The following SLC44A5 variants were observed in gnomAD, a reference collection of about 807,000 sequenced individuals.
The protein encoded by SLC44A5 is choline transporter-like protein 5.
A neutral mutation model predicts 101.8 loss-of-function variants in SLC44A5; 57 were observed. The observed-to-expected ratio is 0.56, with a 90% confidence interval of 0.45 to 0.70. The LOEUF (loss-of-function observed/expected upper bound fraction) is 0.70. Ranked by LOEUF, SLC44A5 falls within the 30% of genes least tolerant of loss-of-function variation. SLC44A5 has a pLI of 0.00. For missense variants in SLC44A5, 737 were observed against 853.1 expected (o/e 0.86, Z 1.70); for synonymous variants, 281 against 290.9 (o/e 0.97, Z 0.35).
chr1:75,711,790 A>G, the SLC44A5 span, among the ~76,000 whole-genome samples: 1 of 152,200 alleles, frequency 6.6e-6, no homozygotes, highest in South Asian at 2.1e-4. Context: ...TTGTGAAATC[A>G]TGCTGGCAAG....
chr1:75,573,695 A>G (rs1048295721), intron 1 of SLC44A5, among the ~76,000 whole-genome samples: 7 of 152,150 alleles, frequency 4.6e-5, no homozygotes, highest in Admixed American at 1.3e-4. Context: ...GCCACAAACT[A>G]TGCCGATTTA....
chr1:75,363,288 A>G (rs1659627904), intron 3 of SLC44A5, among the ~76,000 whole-genome samples: 1 of 151,932 alleles, frequency 6.6e-6, no homozygotes, highest in Non-Finnish European at 1.5e-5. Context: ...AATTTAATCT[A>G]TTTACATTCA....
chr1:75,366,321 T>A (rs1659855012), intron 3 of SLC44A5, among the ~76,000 whole-genome samples: 1 of 152,186 alleles, frequency 6.6e-6, no homozygotes, highest in Non-Finnish European at 1.5e-5. Flanking sequence ...GGAGCCTTTT[T>A]TTCAGCCTTT....
intron 8 of SLC44A5, 88 bp downstream of exon 8, chr1:75,242,798 G>T: frequency 7.1e-7 from 1 of 1,409,510 alleles, no homozygotes; most frequent in South Asian, 1.5e-5. Context: ...AGATTTGGGA[G>T]CTTGTTCAGT....
the SLC44A5 span, among the ~76,000 whole-genome samples, chr1:75,680,349 C>A: frequency 2.0e-5 from 3 of 151,938 alleles, no homozygotes; most frequent in Non-Finnish European, 2.9e-5. Context: ...CAAAATTGAC[C>A]ACATACTTGG....
the SLC44A5 span, among the ~76,000 whole-genome samples, chr1:75,629,212 T>C: frequency 3.9e-5 from 6 of 151,904 alleles, no homozygotes; most frequent in East Asian, 3.9e-4. Flanking sequence ...TTTATTTTTT[T>C]CCCAGAAGAT....
chr1:75,683,717 T>C, the SLC44A5 span, among the ~76,000 whole-genome samples: 88 of 151,884 alleles, frequency 5.8e-4, no homozygotes, highest in African/African-American at 2.1e-3. Context: ...GTAACTAACC[T>C]GCACAATGTG....
At chr1:75,629,441 A>G in the SLC44A5 span, among the ~76,000 whole-genome samples, 3 of 152,314 alleles carry the variant, frequency 2.0e-5, no homozygotes, top group Admixed American at 6.5e-5. Context: ...TGTAATGAAT[A>G]TAAACTCCAA....
At chr1:75,279,569 T>C (rs902949403) in intron 5 of SLC44A5, among the ~76,000 whole-genome samples, 15 of 152,200 alleles carry the variant, frequency 9.9e-5, no homozygotes, top group African/African-American at 3.4e-4. Context: ...AGTTTGAGTG[T>C]AGTTTACAAT....
chr1:75,271,278 T>C (rs80316375), intron 6 of SLC44A5, among the ~76,000 whole-genome samples: 8,623 of 152,182 alleles, frequency 0.057, 283 homozygotes, highest in Middle Eastern at 0.12. Context: ...TCTTTTCTTA[T>C]TTACATTTAA....
intron 3 of SLC44A5, among the ~76,000 whole-genome samples, chr1:75,369,677 T>C (rs1486281630): frequency 2.0e-5 from 3 of 152,140 alleles, no homozygotes; most frequent in African/African-American, 4.8e-5. Context: ...TTATTTAAAA[T>C]AAAAAATCAT....
chr1:75,441,488 A>T lies in SLC44A5; in HGVS notation c.14-44867T>A, dbSNP rs188219081. Among the ~76,000 whole-genome samples, 517 of 152,172 alleles carry T rather than the reference A, an allele frequency of 3.4e-3. 6 individuals are homozygous for T. Among genetic ancestry groups the T allele is most frequent in the African/African-American group, 0.012 (501 of 41,546 alleles). ...AAAATAAAAAGCAAGATTTAAAAAA[A>T]GTCAAGGAAAAAAAAAACAAATAGA... On this transcript the variant is annotated intron_variant, in intron 2 of 23. Coordinates refer to ENST00000370859, the MANE Select transcript of SLC44A5 (RefSeq NM_001130058.2).
At chr1:75,288,942 T>G (rs538437537) in intron 5 of SLC44A5, among the ~76,000 whole-genome samples, 1 of 152,196 alleles carries the variant, frequency 6.6e-6, no homozygotes. Context: ...GATTTCCTTA[T>G]ATTCATAGCA....
intron 19 of SLC44A5, among the ~76,000 whole-genome samples, chr1:75,215,323 T>C (rs1646938869): frequency 6.6e-6 from 1 of 152,142 alleles, no homozygotes; most frequent in African/African-American, 2.4e-5. Context: ...CAGTCAAACA[T>C]TGTCAATGTC....
At chr1:75,626,167 C>T in the SLC44A5 span, among the ~76,000 whole-genome samples, 1 of 152,030 alleles carries the variant, frequency 6.6e-6, no homozygotes, top group Non-Finnish European at 1.5e-5. Context: ...CAGAATCAAG[C>T]CTGAAATCAT....
In SLC44A5 at chr1:75,215,733, A is replaced by G. The variant is rs200514562; in HGVS notation, c.1728+21T>C. On this transcript the variant is annotated intron_variant, in intron 19 of 23. Transcript: ENST00000370859. ...GGATTGCAAAGAAGCAGCTTAGTAAATAATAAAATAATCTACCTACCATAA... is the reference window on the plus strand; with the variant it reads ...GGATTGCAAAGAAGCAGCTTAGTAAGTAATAAAATAATCTACCTACCATAA... 1.7e-5 allele frequency: 24 copies of G among 1,411,462 alleles called. No individual in the cohort carries two copies. In the Admixed American group the frequency reaches 2.2e-4, roughly 13 times the overall value. The allele number at this position is 1,411,462 out of a possible 1,614,324, so 87.4% of individuals were successfully genotyped here.
chr1:75,320,709 A>G (rs1656074768), intron 4 of SLC44A5, among the ~76,000 whole-genome samples: 1 of 152,172 alleles, frequency 6.6e-6, no homozygotes, highest in East Asian at 1.9e-4. Context: ...AATTATATGT[A>G]TGTCCTCCTA....
chr1:75,316,511 A>C (rs1302419821), intron 4 of SLC44A5, among the ~76,000 whole-genome samples: 1 of 152,188 alleles, frequency 6.6e-6, no homozygotes, highest in African/African-American at 2.4e-5. Context: ...ACTGTGTTCT[A>C]ATTATTTGTA....
chr1:75,393,382 AC>A (rs1382208848), intron 3 of SLC44A5, among the ~76,000 whole-genome samples: 1 of 152,224 alleles, frequency 6.6e-6, no homozygotes, highest in Non-Finnish European at 1.5e-5. Context: ...ACATATGTAT[AC>A]ATATGACAAT....
Sources: gnomAD v4.1 joint callset for allele counts (sites outside exome capture counted in the v4.1 genomes callset) on GRCh38, gnomAD v4.1.1 for gene constraint, MANE v1.5 for transcripts, NCBI Gene and HGNC (gene_info 2026-07-23, HGNC 2026-07-21) for gene names.